Variants in PIAS2 observed in about 807,000 individuals in gnomAD.
PIAS2 encodes protein inhibitor of activated STAT 2.
A neutral mutation model predicts 69.7 loss-of-function variants in PIAS2; 19 were observed. The ratio of observed to expected loss-of-function variants is 0.27; its 90% confidence interval spans 0.19 to 0.40. The LOEUF (loss-of-function observed/expected upper bound fraction) is 0.40, where lower values mean the gene tolerates loss of function less well. PIAS2 is among the 10% of genes least tolerant of loss of function. The pLI, the probability that PIAS2 is intolerant of heterozygous loss-of-function variation, is 1.00. For synonymous variants in PIAS2, 261 were observed against 263.2 expected (o/e 0.99, Z 0.08); for missense variants, 624 against 757.0 (o/e 0.82, Z 2.06).
chr18:46,918,577 C>T (rs1376475099), upstream of PIAS2, among the ~76,000 whole-genome samples: 1 of 152,188 alleles, frequency 6.6e-6, no homozygotes, highest in African/African-American at 2.4e-5. Flanking sequence ...ACCTCCGCCT[C>T]CCGAGTAGCT....
In PIAS2 at chr18:46,828,293, CCT is replaced by C. The variant is rs529601201; in HGVS notation, c.1337-165_1337-164del. Among the ~76,000 whole-genome samples, 42 of 152,290 alleles carry C rather than the reference CCT, an allele frequency of 2.8e-4. 1 individual carries two copies. The highest frequency in any genetic ancestry group is 1.0e-3 in the African/African-American group (42 of 41,572). ...CAAATACCAACTCCCTAACTCCAGACCTCTGTCTGTAAAATGGTTGTTCACCT... is the reference window on the plus strand; with the variant it reads ...CAAATACCAACTCCCTAACTCCAGACCTGTCTGTAAAATGGTTGTTCACCT... On this transcript the variant is annotated intron_variant, in intron 10 of 13. Coordinates refer to ENST00000585916, the MANE Select transcript of PIAS2 (RefSeq NM_004671.5).
intron 11 of PIAS2, among the ~76,000 whole-genome samples, chr18:46,826,136 G>A (rs2042818943): frequency 6.6e-6 from 1 of 152,094 alleles, no homozygotes; most frequent in Non-Finnish European, 1.5e-5. Context: ...ATGTGTTGCT[G>A]GTTTAGTCAC....
At chr18:46,891,482 A>C (rs1304568715) in intron 1 of PIAS2, among the ~76,000 whole-genome samples, 1 of 152,250 alleles carries the variant, frequency 6.6e-6, no homozygotes, top group African/African-American at 2.4e-5. Flanking sequence ...AGATTTTCAC[A>C]ATGTTAGATG....
intron 1 of PIAS2, among the ~76,000 whole-genome samples, chr18:46,898,016 C>A (rs942532718): frequency 9.9e-5 from 15 of 151,830 alleles, no homozygotes; most frequent in South Asian, 4.2e-4. Flanking sequence ...GGAGGCCAGC[C>A]CAGTTAATTT....
chr18:46,851,506 TA>T (rs1420928211), intron 5 of PIAS2, among the ~76,000 whole-genome samples: 6 of 152,204 alleles, frequency 3.9e-5, no homozygotes, highest in Non-Finnish European at 8.8e-5. Flanking sequence ...TGTCAGTCTG[TA>T]CACTGGCAGC....
At chr18:46,899,484 C>T (rs1217371523) in intron 1 of PIAS2, among the ~76,000 whole-genome samples, 1 of 152,136 alleles carries the variant, frequency 6.6e-6, no homozygotes, top group Admixed American at 6.5e-5. Context: ...TTATTTGTTG[C>T]TATTTGAGAC....
chr18:46,906,954 T>C (rs1281303943), intron 1 of PIAS2, among the ~76,000 whole-genome samples: 1 of 151,898 alleles, frequency 6.6e-6, no homozygotes, highest in Non-Finnish European at 1.5e-5. Context: ...CAACTGAATA[T>C]AATATTAAAA....
At chr18:46,844,319 T>G (rs1210551787) in intron 7 of PIAS2, among the ~76,000 whole-genome samples, 192 bp from the exon 8 acceptor site, 1 of 152,110 alleles carries the variant, frequency 6.6e-6, no homozygotes, top group Non-Finnish European at 1.5e-5. Context: ...AATTTCTTTT[T>G]AAAAGTAAAA....
At position 46,828,080 on chromosome 18, in the gene PIAS2, T is replaced by C; in HGVS notation, c.1387A>G (p.Ser463Gly). 1 of 1,613,872 alleles carries C rather than the reference T, an allele frequency of 6.2e-7. No individual in the cohort carries two copies. Residue 463 changes from serine to glycine, a missense_variant, in exon 11 of 14, where the codon AGC becomes GGC. Ser to Gly is a moderately conservative substitution (Grantham distance 56). Transcript: ENST00000585916. ...PCSVTVASEA[S>G]KKKVDVIDLT... ...TCAATAACATCTACTTTCTTCTTGC[T>C]TGCCTCACTGGCTACAGTCACTGAA...
rs1488390997 is a variant in PIAS2 at position 46,808,063 on chromosome 18, T to C, written c.*4370A>G. The stretch of plus-strand genomic sequence containing the variant: ...TAAACTGTTCAAAATAAGTAAAGGT[T>C]ATATGAAACATGGCACATCCATAAC... On this transcript the variant is annotated 3_prime_UTR_variant, in exon 14 of 14. Transcript: ENST00000585916. 1 of 152,212 alleles carries C rather than the reference T, an allele frequency of 6.6e-6. No homozygotes were observed. Among genetic ancestry groups the C allele is most frequent in the Admixed American group, 6.5e-5 (1 of 15,274 alleles). 9.4% of individuals were successfully genotyped at this position (152,212 alleles called of 1,614,324 possible).
At chr18:46,890,307 T>A (rs947589963) in intron 2 of PIAS2, among the ~76,000 whole-genome samples, 3 of 152,186 alleles carry the variant, frequency 2.0e-5, no homozygotes, top group African/African-American at 4.8e-5. Context: ...TTAACACCAC[T>A]CAACTGTACA....
rs1265213508 is a variant in PIAS2 at position 46,891,594 on chromosome 18, ACAAC to A, written c.25-544_25-541del. On this transcript the variant is annotated intron_variant, in intron 1 of 13. Coordinates refer to ENST00000585916, the MANE Select transcript of PIAS2 (RefSeq NM_004671.5). ...CCCCAATTCAAACATTAACAAACAA[ACAAC>A]ATAATAAAGATATTTTAAAATATTA... 20 of 643,590 alleles carry A rather than the reference ACAAC, an allele frequency of 3.1e-5. No homozygotes were observed. The Admixed American group carries it at 6.3e-4, about 20-fold the overall frequency. The allele number at this position is 643,590 out of a possible 1,614,324, so 39.9% of individuals were successfully genotyped here. A position where few individuals can be genotyped will look rare whatever the true frequency, so the allele number is the denominator to read the frequency against.
chr18:46,893,804 T>C (rs576645817), intron 1 of PIAS2, among the ~76,000 whole-genome samples: 35 of 152,196 alleles, frequency 2.3e-4, no homozygotes, highest in African/African-American at 5.3e-4. Flanking sequence ...TCAATTTCTA[T>C]TTTAAAATAA....
At chr18:46,872,371 C>T (rs1293364784) in intron 2 of PIAS2, among the ~76,000 whole-genome samples, 1 of 152,196 alleles carries the variant, frequency 6.6e-6, no homozygotes, top group Non-Finnish European at 1.5e-5. Flanking sequence ...ATGGGAAGAT[C>T]CTCATTCTGA....
rs1388461167 is a variant in PIAS2, at chr18:46,805,734, G to A, written c.*6699C>T. On this transcript the variant is annotated 3_prime_UTR_variant, in exon 14 of 14. Transcript: ENST00000585916. ...TGGCCTAGGAAGGGATCAGTGACTG[G>A]GGCGTGACTAGAACATAATACAGAA... 1 of 152,184 alleles carries A rather than the reference G, an allele frequency of 6.6e-6. No homozygotes were observed. The allele number at this position is 152,184 out of a possible 1,614,324, so 9.4% of individuals were successfully genotyped here.
chr18:46,881,419 CTG>C (rs2052237279), intron 2 of PIAS2, among the ~76,000 whole-genome samples: 1 of 152,162 alleles, frequency 6.6e-6, no homozygotes, highest in African/African-American at 2.4e-5. Flanking sequence ...TAAGTGAAAA[CTG>C]TATTTGTAAA....
At chr18:46,828,861 G>T (rs2043183284) in intron 10 of PIAS2, among the ~76,000 whole-genome samples, 1 of 152,076 alleles carries the variant, frequency 6.6e-6, no homozygotes, top group Non-Finnish European at 1.5e-5. Context: ...AGTTGATAAT[G>T]GAAAAGCAAC....
At chr18:46,831,264 CA>C (rs36061170) in intron 9 of PIAS2, among the ~76,000 whole-genome samples, 1 of 151,988 alleles carries the variant, frequency 6.6e-6, no homozygotes, top group Non-Finnish European at 1.5e-5. Context: ...GCCATAATCA[CA>C]AAAATTTTTT....
upstream of PIAS2, chr18:46,920,080 C>T (rs1351484310): frequency 7.8e-7 from 1 of 1,289,738 alleles, no homozygotes; most frequent in East Asian, 5.5e-5. Context: ...TTTGTAGTTG[C>T]TTCCCAGCAT....
Sources: gnomAD v4.1 joint callset for allele counts (sites outside exome capture counted in the v4.1 genomes callset) on GRCh38, gnomAD v4.1.1 for gene constraint, MANE v1.5 for transcripts, NCBI Gene and HGNC (gene_info 2026-07-23, HGNC 2026-07-21) for gene names.